Variants in FAT3 observed in about 807,000 individuals in gnomAD.
FAT3 encodes the protein protocadherin Fat 3.
Under a neutral mutation model 310.2 loss-of-function variants are expected in FAT3, and 95 were observed. That is an observed-to-expected ratio of 0.31 (90% CI 0.26 to 0.36). The LOEUF (loss-of-function observed/expected upper bound fraction) is 0.36, where lower values mean the gene tolerates loss of function less well. Ranked by LOEUF, FAT3 falls within the 10% of genes least tolerant of loss-of-function variation. The probability of loss-of-function intolerance (pLI) is 1.00; values close to 1 mark genes in which losing one functional copy is unlikely to be tolerated. For synonymous variants in FAT3, 2,314 were observed against 2,192.9 expected (o/e 1.06, Z -1.54); for missense variants, 5,408 against 5,715.6 (o/e 0.95, Z 1.74).
chr11:92,657,707 TATTTCATCCAGATTCAGGAAG>T (rs1211272188), intron 3 of FAT3, among the ~76,000 whole-genome samples: 3 of 152,244 alleles, frequency 2.0e-5, no homozygotes, highest in Admixed American at 6.5e-5. Flanking sequence ...TACTTTCAAA[TATTTCATCCAGATTCAGGAAG>T]ACCTCAGATG....
chr11:92,738,811 A>G (rs994905675), intron 4 of FAT3, among the ~76,000 whole-genome samples: 7 of 152,170 alleles, frequency 4.6e-5, no homozygotes, highest in African/African-American at 1.4e-4. Flanking sequence ...AAAGCATTGG[A>G]TCTTGCTGGA....
rs536830585 is a variant in FAT3, at chr11:92,522,187, C to A, written c.3293-2447C>A. ...CACCTTTCTACTCTTAGTTTCCATC[C>A]CAGAGACAGCTTAGTTCCCTGTCAC... is the stretch of plus-strand genomic sequence containing the variant. On this transcript the variant is annotated intron_variant, in intron 2 of 27. Coordinates refer to ENST00000525166, the MANE Select transcript of FAT3 (RefSeq NM_001367949.2). Among the ~76,000 whole-genome samples the A allele has an allele frequency of 3.3e-5, 5 of 152,238 alleles. No individual in the cohort carries two copies. The East Asian group carries it at 7.8e-4, about 24-fold the overall frequency.
At chr11:92,307,211 A>G (rs1457471792) in intron 1 of FAT3, among the ~76,000 whole-genome samples, 1 of 149,112 alleles carries the variant, frequency 6.7e-6, no homozygotes, top group South Asian at 2.1e-4. Flanking sequence ...CTTAATGGGA[A>G]TACTTTGCCT....
At chr11:92,721,328 T>G (rs1252488803) in intron 4 of FAT3, among the ~76,000 whole-genome samples, 1 of 152,178 alleles carries the variant, frequency 6.6e-6, no homozygotes, top group Non-Finnish European at 1.5e-5. Context: ...ATTCTAAAAT[T>G]TGATTATCAT....
At chr11:92,250,389 C>G (rs1364029434) in intron 1 of FAT3, among the ~76,000 whole-genome samples, 1 of 151,932 alleles carries the variant, frequency 6.6e-6, no homozygotes, top group Non-Finnish European at 1.5e-5. Flanking sequence ...ATAATATAAA[C>G]CAGTAATAGA....
chr11:92,431,300 A>G (rs973271131), intron 2 of FAT3, among the ~76,000 whole-genome samples: 2 of 152,138 alleles, frequency 1.3e-5, no homozygotes, highest in African/African-American at 4.8e-5. Flanking sequence ...TTGGCTGCAT[A>G]AATGTCTTCT....
chr11:92,757,827 A>G (rs1946044648), intron 4 of FAT3, among the ~76,000 whole-genome samples: 1 of 152,234 alleles, frequency 6.6e-6, no homozygotes, highest in Admixed American at 6.5e-5. Context: ...GGAGACAGAC[A>G]TGGGAATAAA....
At chr11:92,646,106 C>A (rs561571777) in intron 3 of FAT3, among the ~76,000 whole-genome samples, 2 of 152,264 alleles carry the variant, frequency 1.3e-5, no homozygotes, top group South Asian at 4.1e-4. Context: ...TATAGGAATT[C>A]AGGCAGGAAT....
chr11:92,677,512 A>T (rs746406763), intron 3 of FAT3, among the ~76,000 whole-genome samples: 22 of 152,238 alleles, frequency 1.4e-4, no homozygotes, highest in Admixed American at 9.2e-4. Flanking sequence ...TTCTGCCAGC[A>T]GGATTATCTT....
chr11:92,283,357 A>G (rs1275251808), intron 1 of FAT3, among the ~76,000 whole-genome samples: 2 of 152,104 alleles, frequency 1.3e-5, no homozygotes, highest in Non-Finnish European at 2.9e-5. Context: ...TTGACACCAA[A>G]CCACCACCTT....
intron 3 of FAT3, among the ~76,000 whole-genome samples, chr11:92,676,264 T>C (rs1320591141): frequency 6.6e-6 from 1 of 152,250 alleles, no homozygotes; most frequent in Non-Finnish European, 1.5e-5. Context: ...GCTTGTCACC[T>C]ATAATGCTTC....
intron 19 of FAT3, among the ~76,000 whole-genome samples, chr11:92,851,065 G>C (rs1948817319): frequency 6.6e-6 from 1 of 152,206 alleles, no homozygotes; most frequent in African/African-American, 2.4e-5. Flanking sequence ...ACCTGAGATG[G>C]AGAAGGTGGT....
intron 1 of FAT3, among the ~76,000 whole-genome samples, chr11:92,298,533 T>C (rs950648362): frequency 1.3e-5 from 2 of 152,096 alleles, no homozygotes; most frequent in African/African-American, 4.8e-5. Context: ...GAAGTAACAA[T>C]AATAGCAGCA....
intron 3 of FAT3, among the ~76,000 whole-genome samples, chr11:92,692,431 T>C (rs1345424235): frequency 1.3e-5 from 2 of 152,158 alleles, no homozygotes; most frequent in East Asian, 1.9e-4. Flanking sequence ...GACTGACTGT[T>C]TGGAAAATAA....
chr11:92,306,597 A>T (rs1450192370), intron 1 of FAT3, among the ~76,000 whole-genome samples: 51 of 123,074 alleles, frequency 4.1e-4, no homozygotes, highest in African/African-American at 1.5e-3. Flanking sequence ...TATTATATAT[A>T]TTATATATTT....
At chr11:92,271,492 G>A (rs1186547839) in intron 1 of FAT3, among the ~76,000 whole-genome samples, 1 of 152,042 alleles carries the variant, frequency 6.6e-6, no homozygotes, top group Non-Finnish European at 1.5e-5. Context: ...TTTCTTCACA[G>A]CATATTTTAG....
chr11:92,835,171 G>T (rs1000723101), intron 15 of FAT3, 87 bp downstream of exon 15: 18 of 1,171,470 alleles, frequency 1.5e-5, no homozygotes, highest in Non-Finnish European at 2.0e-5. Context: ...TCCGTCTTGG[G>T]TTTTCTTCAC....
chr11:92,398,319 G>T lies in FAT3; in HGVS notation c.3292+42915G>T, dbSNP rs1394665524. ...AGTTCAAGACCAGCCTGGCCAACAT[G>T]GCAAAACTCCGTCTCTACTAAAAGT... On this transcript the variant is annotated intron_variant, in intron 2 of 27. Coordinates refer to ENST00000525166, the MANE Select transcript of FAT3 (RefSeq NM_001367949.2). 2.0e-5 allele frequency among the ~76,000 whole-genome samples: 3 copies of T among 151,892 alleles called. No individual in the cohort carries two copies. In the East Asian group the frequency reaches 5.8e-4, roughly 29 times the overall value.
At chr11:92,482,603 A>G (rs921005767) in intron 2 of FAT3, among the ~76,000 whole-genome samples, 1 of 152,106 alleles carries the variant, frequency 6.6e-6, no homozygotes, top group Non-Finnish European at 1.5e-5. Flanking sequence ...CCACAATTAG[A>G]ATTGCTCCAT....
Sources: allele counts gnomAD v4.1 joint callset (sites outside exome capture counted in the v4.1 genomes callset), GRCh38; gene constraint gnomAD v4.1.1; transcripts MANE v1.5; gene names NCBI Gene and HGNC (gene_info 2026-07-23, HGNC 2026-07-21).